The following SAA1 variants were observed in gnomAD, a reference collection of about 807,000 sequenced individuals.
SAA1 encodes serum amyloid A1.
A neutral mutation model predicts 9.8 loss-of-function variants in SAA1; 4 were observed. The ratio of observed to expected loss-of-function variants is 0.41; its 90% CI spans 0.20 to 0.93. SAA1 has a LOEUF of 0.93. Among genes scored for constraint, SAA1 ranks in the 40% least tolerant of loss-of-function variants. SAA1 has a pLI of 0.33. For missense variants in SAA1, 114 were observed against 155.5 expected (o/e 0.73, Z 1.42); for synonymous variants, 47 against 57.7 (o/e 0.82, Z 0.84).
intron 3 of SAA1, 130 bp downstream of exon 3, chr11:18,269,463 C>T: frequency 6.7e-7 from 1 of 1,494,516 alleles, no homozygotes; most frequent in African/African-American, 1.4e-5. Flanking sequence ...CCTCTCTCTG[C>T]CTCTGTGCTC....
chr11:18,268,229 A>C (rs1858093664), intron 2 of SAA1, among the ~76,000 whole-genome samples: 1 of 152,086 alleles, frequency 6.6e-6, no homozygotes, highest in Non-Finnish European at 1.5e-5. Flanking sequence ...AAATGTAGCC[A>C]GGCGTGGTGG....
intron 3 of SAA1, 105 bp downstream of exon 3, chr11:18,269,438 C>T: frequency 6.5e-7 from 1 of 1,540,844 alleles, no homozygotes; most frequent in South Asian, 1.3e-5. Context: ...AGGCTGCGGC[C>T]CCTCCTCCTC....
In SAA1 at chr11:18,269,710, A is replaced by C. The variant is rs770274549; in HGVS notation, c.231-7A>C. On this transcript the variant is annotated splice_polypyrimidine_tract_variant and splice_region_variant and intron_variant, in intron 3 of 3. Transcript: ENST00000356524. ...ATTAATCTCCTTCTTGCCTGCCTTG[A>C]TTACAGCGATGCCAGAGAGAATATC... 2 of 1,613,888 alleles carry C rather than the reference A, an allele frequency of 1.2e-6. No individual in the cohort carries two copies. The highest frequency in any genetic ancestry group is 3.3e-5 in the Admixed American group (2 of 60,012).
chr11:18,269,091 G>A (rs556385914), intron 2 of SAA1, 104 bp from the exon 3 acceptor site: 1 of 1,584,522 alleles, frequency 6.3e-7, no homozygotes, highest in East Asian at 2.2e-5. Context: ...CAGGCTGAAA[G>A]CTTGAAGTCA....
intron 2 of SAA1, among the ~76,000 whole-genome samples, chr11:18,267,858 C>A (rs1342072046): frequency 7.3e-6 from 1 of 136,734 alleles, no homozygotes; most frequent in East Asian, 2.0e-4. Flanking sequence ...GACTTACTGC[C>A]AGTCAGCAGG....
rs749956999 is a variant in SAA1 at position 18,269,756 on chromosome 11, T to C, written c.270T>C (p.Gly90=). The change falls in exon 4 of 4, where the codon GGT becomes GGC. Residue 90 remains glycine, a synonymous_variant. Coordinates refer to ENST00000356524, the MANE Select transcript of SAA1 (RefSeq NM_199161.5). The part of the protein sequence containing the change: ...RENIQRFFGH[G]AEDSLADQAA... ...ATATCCAGAGATTCTTTGGCCATGG[T>C]GCGGAGGACTCGCTGGCTGATCAGG... The C allele has an allele frequency of 5.6e-6, 9 of 1,613,912 alleles. No homozygotes were observed. The Admixed American group carries it at 1.5e-4, about 27-fold the overall frequency.
At chr11:18,269,539 A>C (rs1858156326) in intron 3 of SAA1, among the ~76,000 whole-genome samples, 178 bp from the exon 4 acceptor site, 1 of 152,162 alleles carries the variant, frequency 6.6e-6, no homozygotes, top group South Asian at 2.1e-4. Context: ...GGTGCTGTTC[A>C]TCCAGCCTAG....
chr11:18,267,904 G>A (rs907951522), intron 2 of SAA1, among the ~76,000 whole-genome samples: 1 of 146,268 alleles, frequency 6.8e-6, no homozygotes, highest in Non-Finnish European at 1.5e-5. Context: ...CTGTGCTTGA[G>A]GTCAGGGCTC....
At position 18,269,885 on chromosome 11, in the gene SAA1, C is replaced by T. The variant is rs183981346; in HGVS notation, c.*30C>T. 29 of 1,612,600 alleles carry T rather than the reference C, an allele frequency of 1.8e-5. No individual in the cohort carries two copies. The Admixed American group carries it at 3.3e-4, about 19-fold the overall frequency. The stretch of plus-strand genomic sequence containing the variant: ...CCTCTTCACTCTGCTCTCAGGAGAT[C>T]TGGCTGTGAGGCCCTCAGGGCAGGG... On this transcript the variant is annotated 3_prime_UTR_variant, in exon 4 of 4. Transcript: ENST00000356524.
intron 3 of SAA1, 55 bp from the exon 4 acceptor site, chr11:18,269,662 G>A (rs545207131): frequency 4.6e-5 from 73 of 1,599,444 alleles, no homozygotes; most frequent in Non-Finnish European, 6.2e-5. Context: ...TGGGAGGGTG[G>A]GCTATTGCTC....
chr11:18,268,691 G>A lies in SAA1; in HGVS notation c.92-504G>A, dbSNP rs76505483. ...CTACTAAAAATACAAAAATTAGCCAGGCGTGATGGCGCATGCCTGTAATCT... is the reference window on the plus strand; with the variant it reads ...CTACTAAAAATACAAAAATTAGCCAAGCGTGATGGCGCATGCCTGTAATCT... On this transcript the variant is annotated intron_variant, in intron 2 of 3. Transcript: ENST00000356524. 2.3e-3 allele frequency among the ~76,000 whole-genome samples: 347 copies of A among 152,226 alleles called. 7 individuals are homozygous for A. The East Asian group carries it at 0.049, about 21-fold the overall frequency.
chr11:18,268,558 G>T (rs1479865149), intron 2 of SAA1, among the ~76,000 whole-genome samples: 4 of 151,926 alleles, frequency 2.6e-5, no homozygotes, highest in African/African-American at 9.7e-5. Flanking sequence ...TTAGGTCGGG[G>T]TGCGGTGGCT....
intron 2 of SAA1, among the ~76,000 whole-genome samples, chr11:18,268,314 G>A (rs1351821703): frequency 6.6e-6 from 1 of 151,986 alleles, no homozygotes. Context: ...AGAGGTTGCA[G>A]TGACTAGAGA....
chr11:18,269,752 A>G lies in SAA1; in HGVS notation c.266A>G (p.His89Arg). The G allele has an allele frequency of 1.2e-6, 2 of 1,614,044 alleles. No homozygotes were observed. The highest frequency in any genetic ancestry group is 1.7e-6 in the Non-Finnish European group (2 of 1,179,896). ...ARENIQRFFG[H>R]GAEDSLADQA... ...GAGAATATCCAGAGATTCTTTGGCC[A>G]TGGTGCGGAGGACTCGCTGGCTGAT... is the stretch of plus-strand genomic sequence containing the variant. The change falls in exon 4 of 4, where the codon CAT becomes CGT. Residue 89 changes from histidine to arginine, a missense_variant. This residue lies in a region of SAA1 where 68 missense variants were observed against 54.7 expected (regional missense o/e 1.24). Transcript: ENST00000356524.
rs1858041214 is a variant in SAA1 at position 18,266,739 on chromosome 11, A to G, written c.-4-145A>G. On this transcript the variant is annotated intron_variant, in intron 1 of 3. Coordinates refer to ENST00000356524, the MANE Select transcript of SAA1 (RefSeq NM_199161.5). ...AACCGAGGGCTTCTGGCTCTGAGTG[A>G]GGTCCTGCTGCAAGGTTTCCTAGAT... The G allele has an allele frequency of 4.0e-5, 26 of 654,372 alleles. No homozygotes were observed. The South Asian group carries it at 5.1e-4, about 13-fold the overall frequency. The allele number at this position is 654,372 out of a possible 1,614,324, so 40.5% of individuals were successfully genotyped here.
At chr11:18,268,392 G>C (rs1388643986) in intron 2 of SAA1, among the ~76,000 whole-genome samples, 1 of 151,862 alleles carries the variant, frequency 6.6e-6, no homozygotes, top group Non-Finnish European at 1.5e-5. Context: ...AAAAGAAAGT[G>C]CAGCCAAGGC....
At chr11:18,268,694 G>A (rs1489354051) in intron 2 of SAA1, among the ~76,000 whole-genome samples, 5 of 152,092 alleles carry the variant, frequency 3.3e-5, no homozygotes, top group Admixed American at 6.6e-5. Flanking sequence ...TTAGCCAGGC[G>A]TGATGGCGCA....
In SAA1 at chr11:18,269,275, G is replaced by A. The variant is rs755739745; in HGVS notation, c.172G>A (p.Gly58Arg). ...IGSDKYFHAR[G>R]NYDAAKRGPG... ...CTCAGACAAATACTTCCATGCTCGG[G>A]GGAACTATGATGCTGCCAAAAGGGG... is the stretch of plus-strand genomic sequence containing the variant. Residue 58 changes from glycine to arginine, a missense_variant, in exon 3 of 4, where the codon GGG (glycine) becomes AGG (arginine). Physicochemically the swap from Gly to Arg is moderately radical, Grantham distance 125. Around this residue, in one of 2 missense-constraint regions of SAA1, gnomAD observed 46 missense variants for 100.8 expected, o/e 0.46. Transcript: ENST00000356524. The A allele has an allele frequency of 3.8e-6, 6 of 1,593,316 alleles. No homozygotes were observed. In the South Asian group the frequency reaches 6.7e-5, roughly 18 times the overall value.
rs2134165913 is a variant in SAA1 at position 18,267,824 on chromosome 11, G to GAGC, written c.91+850_91+852dup. Among the ~76,000 whole-genome samples the GAGC allele has an allele frequency of 1.7e-5, 2 of 114,982 alleles. 1 individual carries two copies. The highest frequency in any genetic ancestry group is 4.0e-5 in the Non-Finnish European group (2 of 50,446). 75.4% of individuals were successfully genotyped at this position (114,982 alleles called of 152,430 possible). On this transcript the variant is annotated intron_variant, in intron 2 of 3. Transcript: ENST00000356524. ...TGGAAGGTGAGAAAGCTGAGACTTAGAGCAGCTGAAGCCAATGCCCAGGGA... is the reference window on the plus strand; with the variant it reads ...TGGAAGGTGAGAAAGCTGAGACTTAGAGCAGCAGCTGAAGCCAATGCCCAGGGA...
Sources: gnomAD v4.1 joint callset for allele counts (sites outside exome capture counted in the v4.1 genomes callset) on GRCh38, gnomAD v4.1.1 for gene constraint, gnomAD v4.1.1 regional missense constraint, MANE v1.5 for transcripts, NCBI Gene and HGNC (gene_info 2026-07-23, HGNC 2026-07-21) for gene names.